SRPK1: variants seen among roughly 807,000 people sequenced by gnomAD.
SRPK1 encodes the protein SRSF protein kinase 1.
In SRPK1, 52 loss-of-function variants were observed where a neutral mutation model predicts 89.5. The observed-to-expected ratio is 0.58, with a 90% CI of 0.46 to 0.73. The LOEUF (loss-of-function observed/expected upper bound fraction) is 0.73, where lower values mean the gene tolerates loss of function less well. Among genes scored for constraint, SRPK1 ranks in the 30% least tolerant of loss-of-function variants. The pLI, the probability that SRPK1 is intolerant of heterozygous loss-of-function variation, is 0.00. For synonymous variants in SRPK1, 255 were observed against 270.2 expected (o/e 0.94, Z 0.55); for missense variants, 603 against 780.6 (o/e 0.77, Z 2.71).
At chr6:35,866,724 C>G (rs1288161238) in intron 12 of SRPK1, among the ~76,000 whole-genome samples, 1 of 152,136 alleles carries the variant, frequency 6.6e-6, no homozygotes, top group Non-Finnish European at 1.5e-5. Context: ...TATACCTATA[C>G]TTGTATGTTT....
intron 4 of SRPK1, among the ~76,000 whole-genome samples, chr6:35,888,571 CAA>C (rs1208207343): frequency 6.6e-6 from 1 of 152,144 alleles, no homozygotes; most frequent in Non-Finnish European, 1.5e-5. Context: ...AATCAAACGA[CAA>C]AAGCTTTACC....
At chr6:35,863,694 T>C (rs932772815) in intron 12 of SRPK1, among the ~76,000 whole-genome samples, 10 of 151,648 alleles carry the variant, frequency 6.6e-5, no homozygotes, top group African/African-American at 2.4e-4. Flanking sequence ...AAAAAAAAGC[T>C]GAGGGATTTT....
intron 8 of SRPK1, 62 bp from the exon 9 acceptor site, chr6:35,871,021 T>A: frequency 1.4e-6 from 2 of 1,424,260 alleles, no homozygotes; most frequent in Non-Finnish European, 2.0e-6. Context: ...AAACTAAGGC[T>A]CAGATAAAAC....
At chr6:35,920,917 A>C in intron 1 of SRPK1, 127 bp downstream of exon 1, 470 of 967,032 alleles carry the variant, frequency 4.9e-4, no homozygotes, top group East Asian at 1.6e-3. Flanking sequence ...GGGCGGCGCC[A>C]CCTCAGTGGA....
At chr6:35,887,510 T>C (rs1770436161) in intron 5 of SRPK1, among the ~76,000 whole-genome samples, 1 of 152,106 alleles carries the variant, frequency 6.6e-6, no homozygotes, top group African/African-American at 2.4e-5. Flanking sequence ...TAATTCTGAA[T>C]TTAAGTTCCT....
At chr6:35,893,907 A>C (rs1211757189) in intron 2 of SRPK1, among the ~76,000 whole-genome samples, 1 of 152,068 alleles carries the variant, frequency 6.6e-6, no homozygotes, top group East Asian at 1.9e-4. Context: ...GCTACTCGGG[A>C]GGCTGAGGTG....
At chr6:35,867,295 C>T (rs1039355529) in intron 12 of SRPK1, among the ~76,000 whole-genome samples, 4 of 152,082 alleles carry the variant, frequency 2.6e-5, no homozygotes, top group East Asian at 1.9e-4. Context: ...CAGATGATAG[C>T]GTAGTGGAGT....
intron 2 of SRPK1, among the ~76,000 whole-genome samples, chr6:35,911,171 G>A (rs1417132217): frequency 6.6e-6 from 1 of 152,198 alleles, no homozygotes; most frequent in African/African-American, 2.4e-5. Context: ...AAGGATTCAC[G>A]ATTCTATATG....
chr6:35,848,514 G>A (rs576655227), intron 13 of SRPK1, among the ~76,000 whole-genome samples: 36 of 152,302 alleles, frequency 2.4e-4, no homozygotes, highest in African/African-American at 7.7e-4. Context: ...CTGTGATTGC[G>A]CCACTGCACT....
chr6:35,840,538 T>C (rs148647380), intron 14 of SRPK1, among the ~76,000 whole-genome samples: 2 of 152,346 alleles, frequency 1.3e-5, no homozygotes, highest in African/African-American at 4.8e-5. Context: ...AGTAAAATAT[T>C]GGTCCTTTAA....
chr6:35,838,796 G>C, intron 14 of SRPK1: 1 of 1,373,870 alleles, frequency 7.3e-7, no homozygotes, highest in Non-Finnish European at 9.7e-7. Flanking sequence ...TGCACAATGT[G>C]GTCTAAAATA....
At chr6:35,844,043 C>T (rs1490581677) in intron 13 of SRPK1, among the ~76,000 whole-genome samples, 3 of 136,836 alleles carry the variant, frequency 2.2e-5, no homozygotes, top group Non-Finnish European at 3.0e-5. Flanking sequence ...CTCGCTCTGT[C>T]GCCCAGGCTG....
chr6:35,859,300 TG>T (rs1435265790), intron 12 of SRPK1, among the ~76,000 whole-genome samples: 3 of 152,018 alleles, frequency 2.0e-5, no homozygotes, highest in African/African-American at 4.8e-5. Context: ...TTAAGGGGAG[TG>T]AAAAACTGGT....
intron 2 of SRPK1, among the ~76,000 whole-genome samples, chr6:35,891,819 A>G (rs1770524793): frequency 6.6e-6 from 1 of 152,006 alleles, no homozygotes; most frequent in Admixed American, 6.6e-5. Context: ...TTTATTTCCA[A>G]TTTTTCACTA....
intron 7 of SRPK1, among the ~76,000 whole-genome samples, chr6:35,873,576 G>A (rs979835866): frequency 6.6e-5 from 10 of 150,766 alleles, no homozygotes; most frequent in African/African-American, 1.7e-4. Flanking sequence ...TGCAACCTCC[G>A]CCTCCCGGGT....
At chr6:35,880,735 G>GAAAAAAAAA (rs1238876364) in intron 6 of SRPK1, among the ~76,000 whole-genome samples, 1 of 26,970 alleles carries the variant, frequency 3.7e-5, no homozygotes, top group Non-Finnish European at 5.7e-5. Flanking sequence ...AAAAAAAAAA[G>GAAAAAAAAA]AAAAAAAAAA....
chr6:35,841,075 C>A (rs1005384713), intron 14 of SRPK1, among the ~76,000 whole-genome samples: 6 of 152,016 alleles, frequency 3.9e-5, no homozygotes, highest in South Asian at 4.2e-4. Flanking sequence ...AATTACCCTC[C>A]CAAACAAACA....
In SRPK1 at chr6:35,870,958, G is replaced by T; in HGVS notation, c.753C>A (p.Val251=). The T allele has an allele frequency of 6.2e-7, 1 of 1,606,710 alleles. No individual in the cohort carries two copies. Among genetic ancestry groups the T allele is most frequent in the South Asian group, 1.1e-5 (1 of 90,038 alleles). ...SGAPPPSGSA[V]STAPQPKPAD... ...CTGGTTTAGGCTGGGGAGCAGTACT[G>T]ACTGAAAAGAAAAGAAAACCAAGTA... Residue 251 remains valine (V), a splice_region_variant and synonymous_variant, in exon 9 of 16, where the codon GTC becomes GTA. Transcript: ENST00000373825.
chr6:35,882,427 C>A (rs1313331853), intron 6 of SRPK1, among the ~76,000 whole-genome samples: 1 of 152,106 alleles, frequency 6.6e-6, no homozygotes, highest in Non-Finnish European at 1.5e-5. Flanking sequence ...AGTGACCCTG[C>A]TGCTTCAGCC....
Sources: gnomAD v4.1 joint callset for allele counts (sites outside exome capture counted in the v4.1 genomes callset) on GRCh38, gnomAD v4.1.1 for gene constraint, MANE v1.5 for transcripts, NCBI Gene and HGNC (gene_info 2026-07-23, HGNC 2026-07-21) for gene names.